KIAA1958: variants seen among roughly 807,000 people sequenced by gnomAD.
KIAA1958 encodes KIAA1958.
Under a neutral mutation model 47.2 loss-of-function variants are expected in KIAA1958, and 14 were observed. That is an observed-to-expected ratio of 0.30 (90% CI 0.20 to 0.46). The LOEUF is 0.46. Among genes scored for constraint, KIAA1958 ranks in the 20% least tolerant of loss-of-function variants. The pLI, the probability that KIAA1958 is intolerant of heterozygous loss-of-function variation, is 1.00. For synonymous variants in KIAA1958, 354 were observed against 353.3 expected (o/e 1.00, Z -0.02); for missense variants, 803 against 909.2 (o/e 0.88, Z 1.50).
chr9:112,607,892 A>C (rs1016010860), intron 2 of KIAA1958, among the ~76,000 whole-genome samples: 2 of 152,184 alleles, frequency 1.3e-5, no homozygotes, highest in Non-Finnish European at 2.9e-5. Flanking sequence ...GGGGAGAATG[A>C]GTATGAGTGG....
At chr9:112,499,849 C>T (rs186120939) in intron 1 of KIAA1958, among the ~76,000 whole-genome samples, 331 of 151,614 alleles carry the variant, frequency 2.2e-3, no homozygotes, top group African/African-American at 7.6e-3. Context: ...CCACCACGCC[C>T]GGCTAATTTT....
chr9:112,494,294 T>C (rs940448092), intron 1 of KIAA1958, among the ~76,000 whole-genome samples: 2 of 152,170 alleles, frequency 1.3e-5, no homozygotes, highest in African/African-American at 2.4e-5. Context: ...TCATCAATTA[T>C]AGTTTTTTAG....
At position 112,665,240 on chromosome 9, in the gene KIAA1958, T is replaced by G. The variant is rs1011405127; in HGVS notation, c.*5171T>G. The G allele has an allele frequency of 6.6e-6, 1 of 152,228 alleles. No homozygotes were observed. The highest frequency in any genetic ancestry group is 2.4e-5 in the African/African-American group (1 of 41,468). The allele number at this position is 152,228 out of a possible 1,614,324, so 9.4% of individuals were successfully genotyped here. A position where few individuals can be genotyped will look rare whatever the true frequency, so the allele number is the denominator to read the frequency against. On this transcript the variant is annotated 3_prime_UTR_variant, in exon 4 of 4. Coordinates refer to ENST00000337530, the MANE Select transcript of KIAA1958 (RefSeq NM_133465.4). ...ATAGAACTGATTTGATTAACTTTCA[T>G]TTAACTGTGGTTATTGTTACATCTA...
At chr9:112,657,603 A>C (rs1359710242) in intron 3 of KIAA1958, among the ~76,000 whole-genome samples, 1 of 152,036 alleles carries the variant, frequency 6.6e-6, no homozygotes, top group East Asian at 1.9e-4. Flanking sequence ...TTTTTGCCTT[A>C]ATTAAGGGCT....
chr9:112,517,764 A>G (rs530460265), intron 1 of KIAA1958, among the ~76,000 whole-genome samples: 3 of 152,378 alleles, frequency 2.0e-5, no homozygotes, highest in East Asian at 3.8e-4. Flanking sequence ...CCAAGATAAA[A>G]AAGATGGGCA....
intron 2 of KIAA1958, among the ~76,000 whole-genome samples, chr9:112,606,176 C>T (rs1836230972): frequency 6.6e-6 from 1 of 152,126 alleles, no homozygotes; most frequent in South Asian, 2.1e-4. Flanking sequence ...CAGGCTTCAG[C>T]ACCTGGGTAG....
chr9:112,500,453 TA>T (rs1195452991), intron 1 of KIAA1958, among the ~76,000 whole-genome samples: 1 of 151,452 alleles, frequency 6.6e-6, no homozygotes. Flanking sequence ...TTAATATCAT[TA>T]ATTTTTTTTT....
At chr9:112,632,208 T>TA (rs1418774724) in intron 2 of KIAA1958, among the ~76,000 whole-genome samples, 1 of 152,168 alleles carries the variant, frequency 6.6e-6, no homozygotes, top group African/African-American at 2.4e-5. Flanking sequence ...ATTTTTCATA[T>TA]AAAAATTGGA....
intron 1 of KIAA1958, among the ~76,000 whole-genome samples, chr9:112,561,794 G>T (rs1390799663): frequency 6.6e-6 from 1 of 152,204 alleles, no homozygotes; most frequent in Non-Finnish European, 1.5e-5. Context: ...TGCAGAGGCT[G>T]CAGTGAGCCG....
At chr9:112,541,554 A>ACC (rs1834944211) in intron 1 of KIAA1958, among the ~76,000 whole-genome samples, 1 of 152,190 alleles carries the variant, frequency 6.6e-6, no homozygotes, top group African/African-American at 2.4e-5. Flanking sequence ...CTGTAATCCC[A>ACC]GCACTTTGGG....
At chr9:112,605,110 T>C (rs1564188247) in intron 2 of KIAA1958, among the ~76,000 whole-genome samples, 1 of 150,894 alleles carries the variant, frequency 6.6e-6, no homozygotes, top group East Asian at 1.9e-4. Flanking sequence ...AGCTGTCTGC[T>C]TTAACACTTT....
At chr9:112,637,364 G>A (rs1480481174) in intron 2 of KIAA1958, among the ~76,000 whole-genome samples, 1 of 151,996 alleles carries the variant, frequency 6.6e-6, no homozygotes, top group Non-Finnish European at 1.5e-5. Context: ...GACTGCAGCT[G>A]CATTTTACCT....
chr9:112,657,008 C>T (rs1452260813), intron 3 of KIAA1958, among the ~76,000 whole-genome samples: 1 of 152,174 alleles, frequency 6.6e-6, no homozygotes, highest in Non-Finnish European at 1.5e-5. Context: ...AGAAGTTTGT[C>T]AACTTTATAG....
chr9:112,525,047 G>GAT (rs3983395), intron 1 of KIAA1958, among the ~76,000 whole-genome samples: 145,289 of 152,254 alleles, frequency 0.95, 69,394 homozygotes, highest in African/African-American at 0.99. Flanking sequence ...TTGTCTTTAT[G>GAT]ATAAGATTTT....
intron 1 of KIAA1958, among the ~76,000 whole-genome samples, chr9:112,518,679 T>A (rs535863811): frequency 6.6e-6 from 1 of 152,300 alleles, no homozygotes; most frequent in African/African-American, 2.4e-5. Context: ...TTATTACATG[T>A]CAAAACTTAT....
intron 2 of KIAA1958, among the ~76,000 whole-genome samples, chr9:112,620,109 T>C (rs968489980): frequency 6.6e-6 from 1 of 152,220 alleles, no homozygotes; most frequent in African/African-American, 2.4e-5. Context: ...CTGCAATTAT[T>C]ATAATAATTT....
At chr9:112,605,109 C>A (rs1168171351) in intron 2 of KIAA1958, among the ~76,000 whole-genome samples, 1 of 150,352 alleles carries the variant, frequency 6.7e-6, no homozygotes, top group African/African-American at 2.4e-5. Flanking sequence ...AAGCTGTCTG[C>A]TTTAACACTT....
chr9:112,523,307 C>T (rs557447909), intron 1 of KIAA1958, among the ~76,000 whole-genome samples: 32 of 152,122 alleles, frequency 2.1e-4, no homozygotes, highest in Admixed American at 1.0e-3. Flanking sequence ...AAAAATTAGC[C>T]GGGCGTGGTG....
chr9:112,570,993 G>A (rs966642862), intron 1 of KIAA1958, among the ~76,000 whole-genome samples: 3 of 152,146 alleles, frequency 2.0e-5, no homozygotes, highest in Non-Finnish European at 4.4e-5. Context: ...CCAAGGCAGC[G>A]AAAAAGAAGC....
Sources: allele counts gnomAD v4.1 joint callset (sites outside exome capture counted in the v4.1 genomes callset), GRCh38; gene constraint gnomAD v4.1.1; transcripts MANE v1.5; gene names NCBI Gene and HGNC (gene_info 2026-07-23, HGNC 2026-07-21).